Variants in GNAL observed in about 807,000 individuals in gnomAD.
The protein encoded by GNAL is G protein subunit alpha L, also known as guanine nucleotide-binding protein G(olf) subunit alpha.
In GNAL, 18 loss-of-function variants were observed where a neutral mutation model predicts 55.1. That is an observed-to-expected ratio of 0.33 (90% CI 0.23 to 0.48). The LOEUF (loss-of-function observed/expected upper bound fraction) is 0.48, where lower values mean the gene tolerates loss of function less well. GNAL is among the 20% of genes least tolerant of loss of function. GNAL has a pLI of 0.99. For synonymous variants in GNAL, 253 were observed against 237.0 expected (o/e 1.07, Z -0.62); for missense variants, 412 against 614.1 (o/e 0.67, Z 3.48).
chr18:11,730,612 A>ATAGGTATACCAT (rs2032317517), intron 1 of GNAL, among the ~76,000 whole-genome samples: 3 of 152,070 alleles, frequency 2.0e-5, no homozygotes, highest in Non-Finnish European at 4.4e-5. Flanking sequence ...AAAAATACAA[A>ATAGGTATACCAT]AATTAGCCAG....
intron 1 of GNAL, among the ~76,000 whole-genome samples, chr18:11,700,673 C>T (rs1040740309): frequency 1.3e-5 from 2 of 152,312 alleles, no homozygotes; most frequent in Non-Finnish European, 1.5e-5. Context: ...GATGGAGGAT[C>T]GAGGAAGACA....
chr18:11,841,720 C>T (rs1269736894), intron 5 of GNAL, among the ~76,000 whole-genome samples: 3 of 151,776 alleles, frequency 2.0e-5, no homozygotes, highest in Non-Finnish European at 4.4e-5. Context: ...ATGGAGGAAG[C>T]TCTGTGAGCA....
intron 1 of GNAL, among the ~76,000 whole-genome samples, chr18:11,708,129 C>T (rs1391209211): frequency 6.6e-6 from 1 of 152,218 alleles, no homozygotes. Flanking sequence ...TCTCTCTTGG[C>T]ATTCACAACT....
chr18:11,824,820 CTTGCAAAAA>C (rs1277327176), intron 4 of GNAL, 89 bp from the exon 5 acceptor site: 6 of 648,206 alleles, frequency 9.3e-6, no homozygotes, highest in Admixed American at 8.9e-5. Flanking sequence ...CTGAATGCTA[CTTGCAAAAA>C]ACAGTTTTTG....
intron 1 of GNAL, among the ~76,000 whole-genome samples, chr18:11,700,501 G>A (rs969820719): frequency 1.3e-5 from 2 of 152,236 alleles, no homozygotes; most frequent in African/African-American, 4.8e-5. Context: ...TTGCCCAGCT[G>A]TTATTAGGTG....
chr18:11,879,753 G>A (rs2036618232), intron 11 of GNAL, among the ~76,000 whole-genome samples: 1 of 151,932 alleles, frequency 6.6e-6, no homozygotes, highest in South Asian at 2.1e-4. Flanking sequence ...GCACATCACT[G>A]AGGTGGTCCC....
intron 1 of GNAL, among the ~76,000 whole-genome samples, chr18:11,733,220 C>CT (rs1197106574): frequency 2.0e-5 from 3 of 152,192 alleles, no homozygotes; most frequent in African/African-American, 7.2e-5. Context: ...GAGCCGTCGA[C>CT]TGGGGACTTG....
chr18:11,823,116 A>G lies in GNAL; in HGVS notation c.625-1802A>G, dbSNP rs112805315. Among the ~76,000 whole-genome samples the G allele has an allele frequency of 1.9e-3, 286 of 152,286 alleles. 1 individual carries two copies. The highest frequency in any genetic ancestry group is 6.6e-3 in the African/African-American group (276 of 41,548). On this transcript the variant is annotated intron_variant, in intron 4 of 11. Transcript: ENST00000334049. ...TGTCACTCTCTTCATGGCCAACTTG[A>G]TAACGGCATAATGCAGGATTGATCT...
intron 4 of GNAL, among the ~76,000 whole-genome samples, chr18:11,754,991 A>AGTGTGTAT (rs1555646706): frequency 1.2e-4 from 13 of 112,794 alleles, no homozygotes; most frequent in African/African-American, 4.6e-4. Context: ...ACCAGAAGTG[A>AGTGTGTAT]GTGTGTATGT....
intron 1 of GNAL, among the ~76,000 whole-genome samples, chr18:11,735,297 C>T (rs1047492392): frequency 1.3e-5 from 2 of 151,944 alleles, no homozygotes; most frequent in Admixed American, 6.6e-5. Context: ...GTGATCCACC[C>T]GCCTTGCCCT....
chr18:11,777,883 G>A (rs891165821), intron 4 of GNAL, among the ~76,000 whole-genome samples: 2 of 152,170 alleles, frequency 1.3e-5, no homozygotes, highest in Non-Finnish European at 2.9e-5. Flanking sequence ...CTAGAAAAAG[G>A]CAGTGCAGAG....
At chr18:11,786,122 C>T (rs1176096192) in intron 4 of GNAL, among the ~76,000 whole-genome samples, 1 of 152,234 alleles carries the variant, frequency 6.6e-6, no homozygotes, top group Non-Finnish European at 1.5e-5. Context: ...CTTATTTCAG[C>T]TTATAATTCA....
intron 1 of GNAL, among the ~76,000 whole-genome samples, chr18:11,720,663 A>G (rs1428967774): frequency 2.0e-5 from 3 of 152,206 alleles, no homozygotes; most frequent in Non-Finnish European, 4.4e-5. Context: ...ACCACTTCCA[A>G]TTGAAGTTGA....
intron 5 of GNAL, chr18:11,852,411 G>T: frequency 2.9e-6 from 1 of 345,134 alleles, no homozygotes; most frequent in Non-Finnish European, 5.6e-6. Flanking sequence ...ACTGTATTCA[G>T]TTTCCTGCCC....
chr18:11,695,964 A>G (rs1467842911), intron 1 of GNAL, among the ~76,000 whole-genome samples: 1 of 152,190 alleles, frequency 6.6e-6, no homozygotes, highest in Non-Finnish European at 1.5e-5. Context: ...AGGAAAAAAA[A>G]CAGAAGGAAT....
intron 4 of GNAL, among the ~76,000 whole-genome samples, chr18:11,770,605 T>C (rs2033603255): frequency 6.6e-6 from 1 of 152,160 alleles, no homozygotes; most frequent in Non-Finnish European, 1.5e-5. Context: ...AAAGATTTTA[T>C]GGCATTATTA....
At chr18:11,791,560 A>T (rs2034237533) in intron 4 of GNAL, among the ~76,000 whole-genome samples, 1 of 152,220 alleles carries the variant, frequency 6.6e-6, no homozygotes, top group African/African-American at 2.4e-5. Context: ...GGGAGGAACT[A>T]CAACCAACTC....
chr18:11,752,981 C>A lies in GNAL; in HGVS notation c.449+56C>A. On this transcript the variant is annotated intron_variant, in intron 2 of 11. Transcript: ENST00000334049. This position sits in a 1 kb window ranked among gnomAD's most constrained non-coding sequence, Gnocchi z 4.5. ...ATGCAAACTTCGTCTCTCTCCCAGA[C>A]GTCCCAAAAGTGCTTTCTCTAAACA... 9.5e-7 allele frequency: 1 copy of A among 1,048,924 alleles called. No individual in the cohort carries two copies. The highest frequency in any genetic ancestry group is 1.5e-6 in the Non-Finnish European group (1 of 677,012). The allele number at this position is 1,048,924 out of a possible 1,614,324, so 65.0% of individuals were successfully genotyped here. A position where few individuals can be genotyped will look rare whatever the true frequency, so the allele number is the denominator to read the frequency against.
At chr18:11,715,473 A>G (rs1333208559) in intron 1 of GNAL, among the ~76,000 whole-genome samples, 1 of 151,848 alleles carries the variant, frequency 6.6e-6, no homozygotes, top group Non-Finnish European at 1.5e-5. Flanking sequence ...AAAAAAAAAA[A>G]AAAAAGAAAA....
Sources: allele counts gnomAD v4.1 joint callset (sites outside exome capture counted in the v4.1 genomes callset), GRCh38; gene constraint gnomAD v4.1.1; non-coding constraint Gnocchi (gnomAD v3.1); transcripts MANE v1.5; gene names NCBI Gene and HGNC (gene_info 2026-07-23, HGNC 2026-07-21).